Variants in PPARG observed in about 807,000 individuals in gnomAD.
The protein encoded by PPARG is peroxisome proliferator-activated receptor gamma.
In PPARG, 17 loss-of-function variants were observed where a neutral mutation model predicts 39.2. That is an observed-to-expected ratio of 0.43 (90% CI 0.30 to 0.65). The LOEUF (loss-of-function observed/expected upper bound fraction) is 0.65. Among genes scored for constraint, PPARG ranks in the 30% least tolerant of loss-of-function variants. The pLI is 0.13. For synonymous variants in PPARG, 223 were observed against 215.7 expected (o/e 1.03, Z -0.30); for missense variants, 406 against 585.9 (o/e 0.69, Z 3.17).
chr3:12,305,058 T>C (rs1240475254), intron 1 of PPARG, among the ~76,000 whole-genome samples: 2 of 152,056 alleles, frequency 1.3e-5, no homozygotes, highest in Admixed American at 6.6e-5. Flanking sequence ...TTCCCCTCAA[T>C]TGTAGCACTA....
chr3:12,347,740 G>C (rs571017659), intron 2 of PPARG, among the ~76,000 whole-genome samples: 1 of 152,130 alleles, frequency 6.6e-6, no homozygotes, highest in Non-Finnish European at 1.5e-5. Flanking sequence ...TTATCAGTTC[G>C]TTAGGTCTCT....
chr3:12,341,763 C>T (rs1199988421), intron 2 of PPARG, among the ~76,000 whole-genome samples: 2 of 152,040 alleles, frequency 1.3e-5, no homozygotes, highest in Non-Finnish European at 2.9e-5. Context: ...GAGCTATGAT[C>T]GCGCTGCTGC....
chr3:12,319,512 C>G (rs2047479721), intron 2 of PPARG, among the ~76,000 whole-genome samples: 1 of 152,082 alleles, frequency 6.6e-6, no homozygotes, highest in African/African-American at 2.4e-5. Flanking sequence ...TTTAAGCAAT[C>G]TATTATGAAT....
rs535517427 is a variant in PPARG, at chr3:12,295,502, G to C, written c.-83+6368G>C. Among the ~76,000 whole-genome samples the C allele has an allele frequency of 3.5e-3, 463 of 133,148 alleles. 2 individuals carry two copies. Among genetic ancestry groups the C allele is most frequent in the African/African-American group, 0.014 (450 of 32,416 alleles). 87.4% of individuals were successfully genotyped at this position (133,148 alleles called of 152,430 possible). A position where few individuals can be genotyped will look rare whatever the true frequency, so the allele number is the denominator to read the frequency against. On this transcript the variant is annotated intron_variant, in intron 1 of 7. Coordinates refer to ENST00000651735, the MANE Select transcript of PPARG (RefSeq NM_138711.6). Reference sequence around the variant, plus strand: ...ATTTTTACAGTTTGTTTTCAAGAAGGTTCAAAAAAAAATTTTTTTTTTTTT... The same window carrying C: ...ATTTTTACAGTTTGTTTTCAAGAAGCTTCAAAAAAAAATTTTTTTTTTTTT...
chr3:12,367,716 A>G (rs2125134955), intron 2 of PPARG, among the ~76,000 whole-genome samples: 1 of 151,286 alleles, frequency 6.6e-6, no homozygotes, highest in South Asian at 2.1e-4. Flanking sequence ...AAAAATAAAA[A>G]TAAAAAAATT....
intron 7 of PPARG, among the ~76,000 whole-genome samples, chr3:12,427,118 G>A (rs1199840649): frequency 2.8e-5 from 4 of 145,324 alleles, no homozygotes; most frequent in Admixed American, 6.9e-5. Flanking sequence ...TAAATATTAA[G>A]AGGACACATG....
intron 2 of PPARG, among the ~76,000 whole-genome samples, chr3:12,327,431 A>T (rs2047726229): frequency 6.6e-6 from 1 of 152,248 alleles, no homozygotes; most frequent in Non-Finnish European, 1.5e-5. Flanking sequence ...CCTAAAGAAC[A>T]GAATCTTTAT....
rs1575089019 is a variant in PPARG, at chr3:12,382,038, C to G, written c.390+547C>G. ...CCTAGAGCAATCCTATAAGATTGGA[C>G]TTCTTTATGGCCACATTGCAGATGT... On this transcript the variant is annotated intron_variant, in intron 4 of 7. Coordinates refer to ENST00000651735, the MANE Select transcript of PPARG (RefSeq NM_138711.6). 2.0e-5 allele frequency among the ~76,000 whole-genome samples: 3 copies of G among 152,192 alleles called. No individual in the cohort carries two copies. The South Asian group carries it at 6.2e-4, about 32-fold the overall frequency.
At chr3:12,420,513 TG>T (rs2051224720) in intron 7 of PPARG, among the ~76,000 whole-genome samples, 2 of 152,234 alleles carry the variant, frequency 1.3e-5, no homozygotes, top group Non-Finnish European at 2.9e-5. Context: ...GGGATCCAGT[TG>T]GCCTCATTCT....
At chr3:12,403,991 G>A (rs1377385577) in intron 5 of PPARG, among the ~76,000 whole-genome samples, 1 of 152,170 alleles carries the variant, frequency 6.6e-6, no homozygotes, top group Non-Finnish European at 1.5e-5. Flanking sequence ...TCAGTGCTGT[G>A]AGATAAGGTC....
At chr3:12,331,376 A>G (rs1391269461) in intron 2 of PPARG, among the ~76,000 whole-genome samples, 1 of 152,186 alleles carries the variant, frequency 6.6e-6, no homozygotes, top group Non-Finnish European at 1.5e-5. Flanking sequence ...TTACAGATGG[A>G]GGAAATGAGA....
intron 1 of PPARG, chr3:12,305,809 T>C (rs1438011724): frequency 6.6e-6 from 1 of 152,218 alleles, no homozygotes; most frequent in Non-Finnish European, 1.5e-5. Context: ...AACCATACAA[T>C]TTCATGCTTA....
chr3:12,350,305 C>A (rs1421278189), intron 2 of PPARG, among the ~76,000 whole-genome samples: 1 of 152,180 alleles, frequency 6.6e-6, no homozygotes, highest in Non-Finnish European at 1.5e-5. Context: ...AACTCCCCCA[C>A]TTTATTCCGT....
At chr3:12,295,067 C>T (rs1460778670) in intron 1 of PPARG, among the ~76,000 whole-genome samples, 2 of 152,154 alleles carry the variant, frequency 1.3e-5, no homozygotes, top group Admixed American at 6.5e-5. Flanking sequence ...GGGCTACCCT[C>T]GTGCCTCATG....
chr3:12,430,953 C>G (rs1403782124), intron 7 of PPARG, among the ~76,000 whole-genome samples: 2 of 151,996 alleles, frequency 1.3e-5, no homozygotes, highest in Non-Finnish European at 2.9e-5. Flanking sequence ...CAAAATGAAA[C>G]AGAACTGAGA....
chr3:12,412,609 T>G (rs891815319), intron 6 of PPARG, among the ~76,000 whole-genome samples: 7 of 152,170 alleles, frequency 4.6e-5, no homozygotes, highest in Admixed American at 2.6e-4. Context: ...TTCATTCCGT[T>G]CTGGTCTGTC....
chr3:12,367,942 C>A (rs1489273310), intron 2 of PPARG, among the ~76,000 whole-genome samples: 2 of 151,610 alleles, frequency 1.3e-5, no homozygotes, highest in Non-Finnish European at 2.9e-5. Flanking sequence ...CTTTGTTGAT[C>A]TGAATTTGAA....
chr3:12,402,144 A>AG (rs2050497690), intron 5 of PPARG, among the ~76,000 whole-genome samples: 1 of 152,248 alleles, frequency 6.6e-6, no homozygotes, highest in Non-Finnish European at 1.5e-5. Context: ...ATCAGAGCTT[A>AG]GAACCATGCC....
At chr3:12,289,797 A>G (rs1179899893) in intron 1 of PPARG, among the ~76,000 whole-genome samples, 1 of 152,184 alleles carries the variant, frequency 6.6e-6, no homozygotes, top group East Asian at 1.9e-4. Context: ...GACAGAAGAC[A>G]CTCATAGATG....
Sources: allele counts gnomAD v4.1 joint callset (sites outside exome capture counted in the v4.1 genomes callset), GRCh38; gene constraint gnomAD v4.1.1; transcripts MANE v1.5; gene names NCBI Gene and HGNC (gene_info 2026-07-23, HGNC 2026-07-21).